KCNC2: variants seen among roughly 807,000 people sequenced by gnomAD.
KCNC2 encodes the protein potassium voltage-gated channel subfamily C member 2.
KCNC2 carries 21 observed loss-of-function variants against 44.5 expected under a neutral mutation model. That is an observed-to-expected ratio of 0.47 (90% CI 0.33 to 0.68). KCNC2 has a LOEUF of 0.68. KCNC2 is among the 30% of genes least tolerant of loss of function. KCNC2 has a pLI of 0.01. For missense variants in KCNC2, 589 were observed against 826.2 expected (o/e 0.71, Z 3.52); for synonymous variants, 391 against 339.1 (o/e 1.15, Z -1.68).
intron 2 of KCNC2, among the ~76,000 whole-genome samples, chr12:75,108,499 T>A (rs541255007): frequency 6.6e-6 from 1 of 152,132 alleles, no homozygotes; most frequent in Non-Finnish European, 1.5e-5. Flanking sequence ...CTAGAAAAAA[T>A]TCTCTAATAC....
At chr12:75,108,690 T>C (rs547607605) in intron 2 of KCNC2, among the ~76,000 whole-genome samples, 17 of 152,300 alleles carry the variant, frequency 1.1e-4, no homozygotes, top group African/African-American at 4.1e-4. Context: ...CTTAAATGGA[T>C]TATCTTTGCC....
At chr12:75,084,283 A>AGATG (rs3073542) in intron 2 of KCNC2, among the ~76,000 whole-genome samples, 1 of 114,652 alleles carries the variant, frequency 8.7e-6, no homozygotes, top group Non-Finnish European at 1.8e-5. Flanking sequence ...ATAGATAGAT[A>AGATG]GATAGATGAT....
intron 2 of KCNC2, among the ~76,000 whole-genome samples, chr12:75,080,630 A>C (rs1229394478): frequency 6.6e-6 from 1 of 152,116 alleles, no homozygotes; most frequent in Non-Finnish European, 1.5e-5. Flanking sequence ...ACCTATTTTC[A>C]AGATGTTATT....
chr12:75,123,441 C>G (rs1376951019), intron 2 of KCNC2, among the ~76,000 whole-genome samples: 3 of 152,172 alleles, frequency 2.0e-5, no homozygotes, highest in Non-Finnish European at 4.4e-5. Context: ...CACCCGTCAT[C>G]CTAAGCAACC....
chr12:75,122,211 T>C lies in KCNC2; in HGVS notation c.688-70894A>G, dbSNP rs75832919. On this transcript the variant is annotated intron_variant, in intron 2 of 4. Coordinates refer to ENST00000549446, the MANE Select transcript of KCNC2 (RefSeq NM_139137.4). ...GACAACAGAGTTCATTTGTTTGTGTTGGGGAGAAGGGAAATGGGAGCTGTT... is the reference window on the plus strand; with the variant it reads ...GACAACAGAGTTCATTTGTTTGTGTCGGGGAGAAGGGAAATGGGAGCTGTT... Among the ~76,000 whole-genome samples the C allele has an allele frequency of 8.2e-3, 1,254 of 152,222 alleles. 16 individuals are homozygous for C. The highest frequency in any genetic ancestry group is 0.028 in the African/African-American group (1,175 of 41,556).
intron 2 of KCNC2, among the ~76,000 whole-genome samples, chr12:75,192,329 A>G (rs183502801): frequency 2.5e-4 from 38 of 152,300 alleles, no homozygotes; most frequent in African/African-American, 8.7e-4. Context: ...AGTGCCATCT[A>G]TTATTGTTAG....
At chr12:75,090,304 T>G (rs917225419) in intron 2 of KCNC2, among the ~76,000 whole-genome samples, 2 of 151,674 alleles carry the variant, frequency 1.3e-5, no homozygotes, top group Non-Finnish European at 3.0e-5. Context: ...CAAAATCATA[T>G]TTTTTTACTT....
rs754309719 is a variant in KCNC2 at position 75,207,520 on chromosome 12, G to T, written c.464C>A (p.Thr155Asn). The T allele has an allele frequency of 6.2e-7, 1 of 1,612,366 alleles. No homozygotes were observed. The highest frequency in any genetic ancestry group is 8.5e-7 in the Non-Finnish European group (1 of 1,179,886). Reference protein sequence around the residue: ...ETDVEPCCWMTYRQHRDAEEA... With the variant: ...ETDVEPCCWMNYRQHRDAEEA... ...CTCGGCGTCGCGGTGCTGCCGGTAG[G>T]TCATCCAGCAGCAGGGCTCCACGTC... The change falls in exon 2 of 5, where the codon ACC becomes AAC. Residue 155 changes from threonine to asparagine, a missense_variant. Transcript: ENST00000549446. This position sits in a 1 kb window ranked among gnomAD's most constrained non-coding sequence, Gnocchi z 4.1.
At chr12:75,117,260 A>C (rs1887728196) in intron 2 of KCNC2, among the ~76,000 whole-genome samples, 1 of 152,186 alleles carries the variant, frequency 6.6e-6, no homozygotes, top group Non-Finnish European at 1.5e-5. Context: ...TGCTCCTTTC[A>C]AAATATATAA....
chr12:75,132,249 T>A (rs1888907753), intron 2 of KCNC2, among the ~76,000 whole-genome samples: 1 of 152,100 alleles, frequency 6.6e-6, no homozygotes, highest in Admixed American at 6.6e-5. Flanking sequence ...ATAAAAAAAT[T>A]AGCTATTTCT....
chr12:75,184,460 C>T (rs1419227004), intron 2 of KCNC2, among the ~76,000 whole-genome samples: 1 of 152,012 alleles, frequency 6.6e-6, no homozygotes, highest in Non-Finnish European at 1.5e-5. Context: ...GGTTTATGTT[C>T]TTCTATGCCT....
intron 2 of KCNC2, among the ~76,000 whole-genome samples, chr12:75,154,343 A>T (rs1189083324): frequency 3.3e-5 from 5 of 152,038 alleles, no homozygotes; most frequent in African/African-American, 1.2e-4. Context: ...TTGATACAAA[A>T]CTGGCTTTAT....
chr12:75,132,145 C>T (rs142518736), intron 2 of KCNC2, among the ~76,000 whole-genome samples: 1,797 of 152,190 alleles, frequency 0.012, 13 homozygotes, highest in South Asian at 0.042. Context: ...TTAATAAAAG[C>T]AATATACCCC....
At chr12:75,145,398 T>G (rs988936720) in intron 2 of KCNC2, among the ~76,000 whole-genome samples, 1 of 152,198 alleles carries the variant, frequency 6.6e-6, no homozygotes, top group African/African-American at 2.4e-5. Context: ...TTACATTGGC[T>G]TCTGTTTATT....
intron 2 of KCNC2, among the ~76,000 whole-genome samples, chr12:75,204,138 C>A (rs1180486042): frequency 6.6e-6 from 1 of 151,770 alleles, no homozygotes; most frequent in African/African-American, 2.4e-5. Flanking sequence ...TCCATGACAA[C>A]TTATATTTGA....
At chr12:75,068,635 G>C (rs1883075799) in intron 2 of KCNC2, among the ~76,000 whole-genome samples, 1 of 152,132 alleles carries the variant, frequency 6.6e-6, no homozygotes, top group African/African-American at 2.4e-5. Context: ...CTGATAAAAA[G>C]CTTAATTTCC....
At chr12:75,174,168 A>G (rs544151958) in intron 2 of KCNC2, among the ~76,000 whole-genome samples, 1 of 151,852 alleles carries the variant, frequency 6.6e-6, no homozygotes, top group East Asian at 2.0e-4. Context: ...TTAATTTACA[A>G]TCACGGTGTA....
At chr12:75,098,383 C>A (rs1164506318) in intron 2 of KCNC2, among the ~76,000 whole-genome samples, 1 of 152,106 alleles carries the variant, frequency 6.6e-6, no homozygotes, top group African/African-American at 2.4e-5. Flanking sequence ...TAGAAGACTG[C>A]AGAAAAGCCT....
chr12:75,184,944 T>G (rs1185877630), intron 2 of KCNC2, among the ~76,000 whole-genome samples: 1 of 152,176 alleles, frequency 6.6e-6, no homozygotes, highest in Non-Finnish European at 1.5e-5. Context: ...GATATCTTCA[T>G]AAGAGATTTT....
Sources: allele counts gnomAD v4.1 joint callset (sites outside exome capture counted in the v4.1 genomes callset), GRCh38; gene constraint gnomAD v4.1.1; non-coding constraint Gnocchi (gnomAD v3.1); transcripts MANE v1.5; gene names NCBI Gene and HGNC (gene_info 2026-07-23, HGNC 2026-07-21).